Variants in DTD1 observed in about 807,000 individuals in gnomAD.
The protein encoded by DTD1 is D-aminoacyl-tRNA deacylase 1, also known as D-tyrosyl-tRNA deacylase 1 homolog.
In DTD1, 13 loss-of-function variants were observed where a neutral mutation model predicts 25.6. That is an observed-to-expected ratio of 0.51 (90% CI 0.33 to 0.81). The LOEUF (loss-of-function observed/expected upper bound fraction) is 0.81, where lower values mean the gene tolerates loss of function less well. Among genes scored for constraint, DTD1 ranks in the 30% least tolerant of loss-of-function variants. The probability of loss-of-function intolerance (pLI) is 0.02; values close to 1 mark genes in which losing one functional copy is unlikely to be tolerated. For synonymous variants in DTD1, 110 were observed against 103.6 expected, an observed-to-expected ratio of 1.06 and a Z score of -0.37; for missense variants, 193 against 266.4, an observed-to-expected ratio of 0.72 and a Z score of 1.92.
At chr20:18,599,846 C>T (rs11087258) in intron 3 of DTD1, among the ~76,000 whole-genome samples, 14,399 of 152,152 alleles carry the variant, frequency 0.095, 847 homozygotes, top group East Asian at 0.26. Context: ...GTCTTTGGCC[C>T]ATTTTAAAAA....
At chr20:18,626,899 G>A (rs529854232) in intron 3 of DTD1, among the ~76,000 whole-genome samples, 3 of 152,338 alleles carry the variant, frequency 2.0e-5, no homozygotes, top group Admixed American at 6.5e-5. Context: ...CAGCCTCCCT[G>A]AGGAGTGCAG....
chr20:18,704,497 G>C (rs1191563538), intron 4 of DTD1, among the ~76,000 whole-genome samples: 1 of 152,138 alleles, frequency 6.6e-6, no homozygotes, highest in Non-Finnish European at 1.5e-5. Context: ...AAATATGGGA[G>C]GGTAACCTCA....
At chr20:18,695,861 G>A (rs953358934) in intron 4 of DTD1, among the ~76,000 whole-genome samples, 1 of 151,760 alleles carries the variant, frequency 6.6e-6, no homozygotes, top group Non-Finnish European at 1.5e-5. Flanking sequence ...TATTTTTGTA[G>A]AGATGGGGTT....
At chr20:18,723,552 A>G (rs1420758794) in intron 4 of DTD1, among the ~76,000 whole-genome samples, 9 of 152,252 alleles carry the variant, frequency 5.9e-5, no homozygotes, top group African/African-American at 2.2e-4. Flanking sequence ...ACAGGAACAA[A>G]TGATCATATT....
At chr20:18,656,673 A>C (rs145625794) in intron 4 of DTD1, among the ~76,000 whole-genome samples, 1 of 152,278 alleles carries the variant, frequency 6.6e-6, no homozygotes, top group Non-Finnish European at 1.5e-5. Flanking sequence ...TGCAGCCCTC[A>C]CATAGCTAAC....
At chr20:18,709,737 A>C (rs568057278) in intron 4 of DTD1, among the ~76,000 whole-genome samples, 1 of 152,216 alleles carries the variant, frequency 6.6e-6, no homozygotes, top group South Asian at 2.1e-4. Context: ...TACTTGGTAT[A>C]AAACTTCTCC....
chr20:18,692,262 C>T (rs1162501724), intron 4 of DTD1, among the ~76,000 whole-genome samples: 1 of 152,220 alleles, frequency 6.6e-6, no homozygotes, highest in South Asian at 2.1e-4. Flanking sequence ...AGGAGTTTGA[C>T]GTTTGCTGAT....
intron 2 of DTD1, among the ~76,000 whole-genome samples, chr20:18,594,497 C>T (rs2060602332): frequency 6.6e-6 from 1 of 152,138 alleles, no homozygotes; most frequent in Non-Finnish European, 1.5e-5. Flanking sequence ...TTATAGCTCC[C>T]ATTCATTCCA....
At chr20:18,663,862 C>G (rs1568662278) in intron 4 of DTD1, among the ~76,000 whole-genome samples, 1 of 152,222 alleles carries the variant, frequency 6.6e-6, no homozygotes. Context: ...ATCATGAGAA[C>G]TCACTCACTA....
intron 5 of DTD1, among the ~76,000 whole-genome samples, chr20:18,750,445 A>G (rs1270819167): frequency 6.6e-6 from 1 of 152,336 alleles, no homozygotes; most frequent in African/African-American, 2.4e-5. Context: ...GGAATCTGGC[A>G]GGCCCTAAGG....
chr20:18,714,578 A>G (rs540328457), intron 4 of DTD1, among the ~76,000 whole-genome samples: 22 of 152,282 alleles, frequency 1.4e-4, no homozygotes, highest in African/African-American at 4.8e-4. Flanking sequence ...CTGAAGAAGC[A>G]CAGATCCGGG....
At chr20:18,732,977 G>GT (rs1006603406) in intron 4 of DTD1, among the ~76,000 whole-genome samples, 4 of 152,128 alleles carry the variant, frequency 2.6e-5, no homozygotes, top group East Asian at 1.9e-4. Flanking sequence ...TTAACATGTG[G>GT]TTTTTTTCAA....
chr20:18,713,598 C>T (rs1000447864), intron 4 of DTD1, among the ~76,000 whole-genome samples: 1 of 152,176 alleles, frequency 6.6e-6, no homozygotes, highest in African/African-American at 2.4e-5. Flanking sequence ...TTCACGTCCC[C>T]ACCTTCATCT....
At chr20:18,643,264 T>C in intron 4 of DTD1, 1 of 332,368 alleles carries the variant, frequency 3.0e-6, no homozygotes, top group East Asian at 1.0e-4. Context: ...AATCCCAGGG[T>C]ATGGGTTTTT....
rs779486817 is a variant in DTD1 at position 18,596,222 on chromosome 20, C to T, written c.351C>T (p.Tyr117=). ...TCCTGGAGCAGCTGCGTAAAACATA[C>T]AGGCCGGAGCTTATCAAAGGTAAGC... ...NSFLEQLRKT[Y]RPELIKDGKF... Residue 117 remains tyrosine (Y), a synonymous_variant, in exon 3 of 6, where the codon TAC becomes TAT. Transcript: ENST00000377452. The T allele has an allele frequency of 6.2e-7, 1 of 1,614,000 alleles. No individual in the cohort carries two copies. The highest frequency in any genetic ancestry group is 8.5e-7 in the Non-Finnish European group (1 of 1,179,930).
chr20:18,623,923 G>A (rs1484698135), intron 3 of DTD1, among the ~76,000 whole-genome samples: 3 of 106,264 alleles, frequency 2.8e-5, no homozygotes, highest in Non-Finnish European at 4.4e-5. Context: ...CAGAAAAAGA[G>A]CATGCACAAT....
Position 18,764,481 on chromosome 20 carries a change from G to A in DTD1, c.*1141G>A, listed in dbSNP as rs1426723095. 1 of 152,152 alleles carries A rather than the reference G, an allele frequency of 6.6e-6. No individual in the cohort carries two copies. Among genetic ancestry groups the A allele is most frequent in the Non-Finnish European group, 1.5e-5 (1 of 68,030 alleles). 9.4% of individuals were successfully genotyped at this position (152,152 alleles called of 1,614,324 possible). A position where few individuals can be genotyped will look rare whatever the true frequency, so the allele number is the denominator to read the frequency against. ...CTGGAAAATATTTTTGTATATAGAA[G>A]AGACATCCTTAATTGTGATTTTTAT... On this transcript the variant is annotated 3_prime_UTR_variant, in exon 6 of 6. Coordinates refer to ENST00000377452, the MANE Select transcript of DTD1 (RefSeq NM_080820.6).
intron 4 of DTD1, among the ~76,000 whole-genome samples, chr20:18,711,615 A>C (rs1342320397): frequency 6.6e-6 from 1 of 152,088 alleles, no homozygotes. Flanking sequence ...TGTTTTTAAA[A>C]AATCATGATC....
intron 4 of DTD1, among the ~76,000 whole-genome samples, chr20:18,743,445 A>G (rs144382935): frequency 2.0e-5 from 3 of 152,290 alleles, no homozygotes; most frequent in Admixed American, 6.5e-5. Flanking sequence ...TGTAATCACA[A>G]CACTTTGGGA....
Sources: allele counts gnomAD v4.1 joint callset (sites outside exome capture counted in the v4.1 genomes callset), GRCh38; gene constraint gnomAD v4.1.1; transcripts MANE v1.5; gene names NCBI Gene and HGNC (gene_info 2026-07-23, HGNC 2026-07-21).